Variants in PKP4 observed in about 807,000 individuals in gnomAD.
PKP4 encodes the protein plakophilin 4.
In PKP4, 90 loss-of-function variants were observed where a neutral mutation model predicts 145.1. The observed-to-expected ratio is 0.62, with a 90% CI of 0.52 to 0.74. PKP4 has a LOEUF of 0.74. PKP4 is among the 30% of genes least tolerant of loss of function. PKP4 has a pLI of 0.00. For missense variants in PKP4, 1,340 were observed against 1,482.7 expected (o/e 0.90, Z 1.58); for synonymous variants, 563 against 577.2 (o/e 0.98, Z 0.35).
intron 1 of PKP4, among the ~76,000 whole-genome samples, chr2:158,511,568 A>C (rs1356428191): frequency 6.6e-6 from 1 of 152,192 alleles, no homozygotes. Context: ...TGAAAAATTT[A>C]ATCTAGTATT....
chr2:158,669,777 T>C lies in PKP4; in HGVS notation c.2786T>C (p.Val929Ala), dbSNP rs1381918562. 2 of 1,611,874 alleles carry C rather than the reference T, an allele frequency of 1.2e-6. No homozygotes were observed. Among genetic ancestry groups the C allele is most frequent in the Non-Finnish European group, 1.7e-6 (2 of 1,178,480 alleles). The change falls in exon 17 of 22, where the codon GTC becomes GCC. Residue 929 changes from valine to alanine, a missense_variant. Val to Ala is a moderately conservative substitution (Grantham distance 64). Transcript: ENST00000389759. Reference sequence around the variant, plus strand: ...CTCCCCGGCGGCAATGGCCCCAGTGTCTTGTCTGATGAGACCATGGCAGCC... The same window carrying C: ...CTCCCCGGCGGCAATGGCCCCAGTGCCTTGTCTGATGAGACCATGGCAGCC... ...NRLPGGNGPS[V>A]LSDETMAAIC...
rs1164317394 is a variant in PKP4 at position 158,634,081 on chromosome 2, A to G, written c.1354A>G (p.Asn452Asp). 7.5e-6 allele frequency: 12 copies of G among 1,602,496 alleles called. No individual in the cohort carries two copies. In the Admixed American group the frequency reaches 2.0e-4, roughly 27 times the overall value. The change falls in exon 9 of 22, where the codon AAT (asparagine) becomes GAT (aspartate). Residue 452 changes from asparagine to aspartate, a missense_variant. By Grantham distance (23) the Asn-to-Asp change is conservative. Coordinates refer to ENST00000389759, the MANE Select transcript of PKP4 (RefSeq NM_003628.6). ...LYRTGSVGIG[N>D]LQRTSSQRST... ...TGTTGACTTTCTAGTAGGTATTGGAAATCTACAAAGGACATCCAGCCAACG... is the reference window on the plus strand; with the variant it reads ...TGTTGACTTTCTAGTAGGTATTGGAGATCTACAAAGGACATCCAGCCAACG...
intron 11 of PKP4, among the ~76,000 whole-genome samples, chr2:158,653,731 T>C (rs191934672): frequency 1.3e-5 from 2 of 152,284 alleles, no homozygotes; most frequent in African/African-American, 4.8e-5. Context: ...GATAATGGAG[T>C]ATGGTGATAA....
chr2:158,647,000 T>A (rs1020767112), intron 11 of PKP4, among the ~76,000 whole-genome samples: 4 of 152,128 alleles, frequency 2.6e-5, no homozygotes, highest in Admixed American at 6.5e-5. Context: ...CCACCCTAGA[T>A]CCAGCCACCA....
chr2:158,515,180 C>T (rs1162332129), intron 1 of PKP4, among the ~76,000 whole-genome samples: 3 of 152,110 alleles, frequency 2.0e-5, no homozygotes, highest in African/African-American at 7.2e-5. Context: ...ACCAAAGTAC[C>T]AGAGTGTACA....
At chr2:158,676,954 C>T in intron 20 of PKP4, 87 bp downstream of exon 20, 1 of 1,495,214 alleles carries the variant, frequency 6.7e-7, no homozygotes, top group African/African-American at 1.4e-5. Context: ...GTAGCCTGTG[C>T]TTGTATTGAG....
At chr2:158,511,165 T>C (rs1455636300) in intron 1 of PKP4, among the ~76,000 whole-genome samples, 1 of 152,140 alleles carries the variant, frequency 6.6e-6, no homozygotes, top group African/African-American at 2.4e-5. Flanking sequence ...GGCGAGCGGA[T>C]CACCTGAGGT....
At chr2:158,561,793 C>CT (rs758042959) in intron 2 of PKP4, among the ~76,000 whole-genome samples, 12,705 of 145,228 alleles carry the variant, frequency 0.087, 724 homozygotes, top group Middle Eastern at 0.21. Flanking sequence ...TCAAGTCAGT[C>CT]TTTTTTTTTT....
intron 11 of PKP4, among the ~76,000 whole-genome samples, chr2:158,644,836 T>C (rs1420693374): frequency 6.6e-6 from 1 of 152,234 alleles, no homozygotes; most frequent in East Asian, 1.9e-4. Context: ...GACAAAATGT[T>C]AATATTTGAC....
chr2:158,641,439 T>C (rs1267681696), intron 10 of PKP4, among the ~76,000 whole-genome samples: 4 of 152,206 alleles, frequency 2.6e-5, no homozygotes, highest in Admixed American at 6.5e-5. Context: ...AAATAAGTTA[T>C]AGAGGATTAT....
intron 12 of PKP4, chr2:158,659,903 G>A (rs949718586): frequency 6.6e-5 from 10 of 152,522 alleles, no homozygotes; most frequent in African/African-American, 2.2e-4. Context: ...CAGTGTGGAG[G>A]AGTGAGTACA....
chr2:158,531,260 T>A (rs1433402034), intron 1 of PKP4, among the ~76,000 whole-genome samples: 1 of 152,218 alleles, frequency 6.6e-6, no homozygotes, highest in Non-Finnish European at 1.5e-5. Context: ...TTTTCTCAAA[T>A]TATCTTTGTT....
Position 158,621,346 on chromosome 2 carries a change from G to T in PKP4, c.528G>T (p.Gln176His), listed in dbSNP as rs751092992. 2.9e-5 allele frequency: 47 copies of T among 1,614,140 alleles called. 2 individuals carry two copies. In the South Asian group the frequency reaches 5.1e-4, roughly 17 times the overall value. The change falls in exon 6 of 22, where the codon CAG (glutamine) becomes CAT (histidine). Residue 176 changes from glutamine (Q) to histidine (H), a missense_variant. By Grantham distance (24) the Gln-to-His change is conservative. Transcript: ENST00000389759. ...SQNVSKADNR[Q>H]QHSFIGSTNN... is the part of the protein sequence containing the mutation. ...ACGTGAGCAAGGCAGACAACAGACA[G>T]CAGCATTCATTCATAGGATCAACTA...
intron 3 of PKP4, among the ~76,000 whole-genome samples, chr2:158,580,350 C>T (rs944011171): frequency 1.3e-5 from 2 of 151,936 alleles, no homozygotes; most frequent in Admixed American, 1.3e-4. Context: ...CAGTGAATGT[C>T]GGGTGAATGA....
chr2:158,656,660 C>T (rs1376682078), intron 11 of PKP4, among the ~76,000 whole-genome samples: 1 of 152,200 alleles, frequency 6.6e-6, no homozygotes, highest in East Asian at 1.9e-4. Context: ...CAGAGCAGAA[C>T]ACAAGAGGAG....
chr2:158,598,737 C>T (rs892384140), intron 3 of PKP4, among the ~76,000 whole-genome samples: 2 of 152,148 alleles, frequency 1.3e-5, no homozygotes, highest in Non-Finnish European at 2.9e-5. Flanking sequence ...CCACTGCACT[C>T]CAGCCTGGGC....
intron 3 of PKP4, chr2:158,589,082 G>C (rs1311909170): frequency 6.6e-6 from 1 of 152,072 alleles, no homozygotes; most frequent in Non-Finnish European, 1.5e-5. Context: ...GCCTTACCTT[G>C]GTATCTTTGA....
intron 2 of PKP4, among the ~76,000 whole-genome samples, chr2:158,549,670 C>G (rs1417428661): frequency 6.6e-6 from 1 of 152,028 alleles, no homozygotes; most frequent in African/African-American, 2.4e-5. Flanking sequence ...AAGATTGATT[C>G]AACTGAATAG....
intron 1 of PKP4, among the ~76,000 whole-genome samples, chr2:158,493,767 A>G (rs757985625): frequency 8.5e-5 from 13 of 152,204 alleles, no homozygotes; most frequent in Non-Finnish European, 1.9e-4. Flanking sequence ...CTCACTTGGC[A>G]ACATGCTTTC....
Sources: gnomAD v4.1 joint callset for allele counts (sites outside exome capture counted in the v4.1 genomes callset) on GRCh38, gnomAD v4.1.1 for gene constraint, MANE v1.5 for transcripts, NCBI Gene and HGNC (gene_info 2026-07-23, HGNC 2026-07-21) for gene names.